Variants in MAP3K7 observed in about 807,000 individuals in gnomAD.
The protein encoded by MAP3K7 is TGF-beta activated kinase 1.
A neutral mutation model predicts 84.8 loss-of-function variants in MAP3K7; 21 were observed. The observed-to-expected ratio is 0.25, with a 90% confidence interval of 0.18 to 0.36. The LOEUF is 0.36. MAP3K7 is among the 10% of genes least tolerant of loss of function. The probability of loss-of-function intolerance (pLI) is 1.00; values close to 1 mark genes in which losing one functional copy is unlikely to be tolerated. For missense variants in MAP3K7, 503 were observed against 747.7 expected, an observed-to-expected ratio of 0.67 and a Z score of 3.82; for synonymous variants, 241 against 247.7, an observed-to-expected ratio of 0.97 and a Z score of 0.25.
rs1039192245 is a variant in MAP3K7 at position 90,518,435 on chromosome 6, A to C, written c.1640+12T>G. 2 of 1,345,648 alleles carry C rather than the reference A, an allele frequency of 1.5e-6. No homozygotes were observed. Among genetic ancestry groups the C allele is most frequent in the Admixed American group, 3.6e-5 (2 of 55,050 alleles). 83.4% of individuals were successfully genotyped at this position (1,345,648 alleles called of 1,614,324 possible). A position where few individuals can be genotyped will look rare whatever the true frequency, so the allele number is the denominator to read the frequency against. ...AATGTATTTTTATTTTTATTCATAA[A>C]AAATAACTTACTTTCTCTGTAATAA... On this transcript the variant is annotated intron_variant, in intron 16 of 16. Transcript: ENST00000369329.
chr6:90,559,515 A>G (rs1002982505), intron 5 of MAP3K7, among the ~76,000 whole-genome samples: 1 of 152,200 alleles, frequency 6.6e-6, no homozygotes, highest in African/African-American at 2.4e-5. Context: ...CTATACAAAC[A>G]AAACCCCCAA....
chr6:90,566,957 T>C (rs1264805732), intron 3 of MAP3K7, among the ~76,000 whole-genome samples: 1 of 152,168 alleles, frequency 6.6e-6, no homozygotes, highest in Non-Finnish European at 1.5e-5. Context: ...AAACAAGAAA[T>C]GGGGAAAGGA....
chr6:90,575,641 G>C (rs1384156801), intron 1 of MAP3K7, among the ~76,000 whole-genome samples: 1 of 152,136 alleles, frequency 6.6e-6, no homozygotes, highest in Non-Finnish European at 1.5e-5. Flanking sequence ...AGGGCAGAGT[G>C]TTGGGACCTA....
chr6:90,551,199 G>A lies in MAP3K7; in HGVS notation c.868-650C>T, dbSNP rs1173842866. On this transcript the variant is annotated intron_variant, in intron 8 of 16. Coordinates refer to ENST00000369329, the MANE Select transcript of MAP3K7 (RefSeq NM_145331.3). ...CTATATATGACTGGTATCCAAATAC[G>A]ATGGTAAACTTTTAGTAGATTAGTT... 6 of 152,026 alleles carry A rather than the reference G, an allele frequency of 3.9e-5. No homozygotes were observed. The East Asian group carries it at 9.6e-4, about 24-fold the overall frequency. The allele number at this position is 152,026 out of a possible 1,614,324, so 9.4% of individuals were successfully genotyped here.
intron 13 of MAP3K7, among the ~76,000 whole-genome samples, chr6:90,533,629 C>A (rs547470039): frequency 6.6e-6 from 1 of 152,254 alleles, no homozygotes; most frequent in South Asian, 2.1e-4. Flanking sequence ...GGCACAGTGA[C>A]CTTGTTTTTG....
intron 1 of MAP3K7, among the ~76,000 whole-genome samples, 199 bp from the exon 2 acceptor site, chr6:90,572,006 A>C (rs1191417793): frequency 6.6e-6 from 1 of 152,006 alleles, no homozygotes; most frequent in African/African-American, 2.4e-5. Flanking sequence ...AATTAAATGC[A>C]TGCTTGTCTC....
At chr6:90,578,754 G>A (rs1777169496) in intron 1 of MAP3K7, among the ~76,000 whole-genome samples, 1 of 152,126 alleles carries the variant, frequency 6.6e-6, no homozygotes, top group East Asian at 1.9e-4. Flanking sequence ...GGAATTAGAG[G>A]TGGCAGAAGG....
chr6:90,551,402 G>A (rs1339925114), intron 8 of MAP3K7: 2 of 152,046 alleles, frequency 1.3e-5, no homozygotes, highest in African/African-American at 4.8e-5. Context: ...CCACTTCACA[G>A]TTTTTGTTAA....
At chr6:90,520,758 T>C (rs1775123273) in intron 14 of MAP3K7, among the ~76,000 whole-genome samples, 1 of 152,034 alleles carries the variant, frequency 6.6e-6, no homozygotes, top group Non-Finnish European at 1.5e-5. Context: ...ATATACTTAA[T>C]TTGTTATTTC....
chr6:90,519,769 G>C (rs1393107650), intron 14 of MAP3K7, among the ~76,000 whole-genome samples: 2 of 151,990 alleles, frequency 1.3e-5, no homozygotes, highest in Non-Finnish European at 2.9e-5. Context: ...AGAAAGCAGA[G>C]ACACATTCTC....
At chr6:90,548,797 G>T (rs1180167804) in intron 9 of MAP3K7, among the ~76,000 whole-genome samples, 1 of 150,240 alleles carries the variant, frequency 6.7e-6, no homozygotes, top group Non-Finnish European at 1.5e-5. Context: ...AGGCTAGTAT[G>T]GTATCTCGGA....
At chr6:90,542,643 T>C (rs1050868308) in intron 12 of MAP3K7, 1 of 185,532 alleles carries the variant, frequency 5.4e-6, no homozygotes, top group Admixed American at 6.6e-5. Context: ...TATATGATTC[T>C]GGAAAAACCA....
chr6:90,541,229 C>T (rs1437404750), intron 12 of MAP3K7, among the ~76,000 whole-genome samples: 1 of 151,978 alleles, frequency 6.6e-6, no homozygotes, highest in Non-Finnish European at 1.5e-5. Flanking sequence ...GTTTTTAAAA[C>T]TCAAGTTTTA....
intron 2 of MAP3K7, among the ~76,000 whole-genome samples, chr6:90,569,113 C>T (rs1460145945): frequency 6.6e-6 from 1 of 152,146 alleles, no homozygotes; most frequent in African/African-American, 2.4e-5. Context: ...ATTATCACAA[C>T]TCCGCAAGGT....
chr6:90,515,180 T>C lies in MAP3K7; in HGVS notation c.*1321A>G, dbSNP rs1477741800. ...GCTTTCATTTTGAACTTTTTCTTCA[T>C]AAAACATTAATGCTATAAAAATCAG... On this transcript the variant is annotated 3_prime_UTR_variant, in exon 17 of 17. Transcript: ENST00000369329. 1 of 151,990 alleles carries C rather than the reference T, an allele frequency of 6.6e-6. No individual in the cohort carries two copies. Among genetic ancestry groups the C allele is most frequent in the Non-Finnish European group, 1.5e-5 (1 of 67,890 alleles). The allele number at this position is 151,990 out of a possible 1,614,324, so 9.4% of individuals were successfully genotyped here.
In MAP3K7 at chr6:90,547,330, G is replaced by A. The variant is rs1282326742; in HGVS notation, c.1138C>T (p.Pro380Ser). ...ASRGSSVESLPPTSEGKRMSA... is the reference protein window; with the variant it reads ...ASRGSSVESLSPTSEGKRMSA... Reference sequence around the variant, plus strand: ...ATCCTCTTGCCCTCAGAGGTTGGGGGCAAGCTCTCCACACTGCTCCCACGG... The same window carrying A: ...ATCCTCTTGCCCTCAGAGGTTGGGGACAAGCTCTCCACACTGCTCCCACGG... The change falls in exon 11 of 17, where the codon CCC becomes TCC. Residue 380 changes from proline (P) to serine (S), a missense_variant. This residue lies in a region of MAP3K7 where 286 missense variants were observed against 313.6 expected (regional missense o/e 0.91). Coordinates refer to ENST00000369329, the MANE Select transcript of MAP3K7 (RefSeq NM_145331.3). 9.9e-6 allele frequency: 16 copies of A among 1,612,370 alleles called. No individual in the cohort carries two copies. Among genetic ancestry groups the A allele is most frequent in the Non-Finnish European group, 1.2e-5 (14 of 1,179,318 alleles).
At chr6:90,579,250 C>CTT (rs1176172086) in intron 1 of MAP3K7, among the ~76,000 whole-genome samples, 1 of 152,184 alleles carries the variant, frequency 6.6e-6, no homozygotes, top group African/African-American at 2.4e-5. Context: ...AAGCCCTAAT[C>CTT]TCCTTTAAGA....
chr6:90,556,472 C>A, intron 6 of MAP3K7, 28 bp downstream of exon 6: 1 of 1,601,816 alleles, frequency 6.2e-7, no homozygotes, highest in South Asian at 1.1e-5. Context: ...GGGAGATTAT[C>A]AAACATACCA....
intron 3 of MAP3K7, 30 bp from the exon 4 acceptor site, chr6:90,561,697 C>T (rs1279557871): frequency 6.6e-7 from 1 of 1,513,832 alleles, no homozygotes; most frequent in Non-Finnish European, 9.2e-7. Context: ...GAAGCATTAA[C>T]CAAGAAGCTC....
Sources: allele counts gnomAD v4.1 joint callset (sites outside exome capture counted in the v4.1 genomes callset), GRCh38; gene constraint gnomAD v4.1.1; regional missense constraint gnomAD v4.1.1; transcripts MANE v1.5; gene names NCBI Gene and HGNC (gene_info 2026-07-23, HGNC 2026-07-21).